The following ABCB8 variants were observed in gnomAD, a reference collection of about 807,000 sequenced individuals.
ABCB8 encodes the protein mitochondrial potassium channel ATP-binding subunit.
In ABCB8, 52 loss-of-function variants were observed where a neutral mutation model predicts 73.0. The observed-to-expected ratio is 0.71, with a 90% CI of 0.57 to 0.90. The LOEUF is 0.90. Ranked by LOEUF, ABCB8 falls within the 40% of genes least tolerant of loss-of-function variation. The pLI, the probability that ABCB8 is intolerant of heterozygous loss-of-function variation, is 0.00. For synonymous variants in ABCB8, 428 were observed against 423.5 expected (o/e 1.01, Z -0.13); for missense variants, 909 against 974.6 (o/e 0.93, Z 0.90).
At chr7:151,036,448 G>A (rs886799782) in intron 8 of ABCB8, 96 bp from the exon 9 acceptor site, 9 of 1,163,010 alleles carry the variant, frequency 7.7e-6, no homozygotes, top group Admixed American at 3.4e-5. Context: ...CCAGTCATGC[G>A]CCTCACCTGA....
At chr7:151,034,143 A>T (rs1796239127) in intron 2 of ABCB8, 130 bp from the exon 3 acceptor site, 1 of 1,228,716 alleles carries the variant, frequency 8.1e-7, no homozygotes, top group South Asian at 1.5e-5. Context: ...TGATGTGTCC[A>T]CATGACCAGC....
chr7:151,031,611 A>G (rs1335558258), intron 1 of ABCB8: 3 of 222,736 alleles, frequency 1.3e-5, no homozygotes, highest in African/African-American at 6.9e-5. Context: ...GTCTGCCTCC[A>G]GCCCATGCCC....
chr7:151,036,696 C>T (rs370572381), intron 9 of ABCB8, 47 bp downstream of exon 9: 2 of 1,498,104 alleles, frequency 1.3e-6, no homozygotes, highest in Non-Finnish European at 1.8e-6. Context: ...TGCCGCCCTC[C>T]AGAGCCCTGC....
At position 151,040,570 on chromosome 7, in the gene ABCB8, G is replaced by T. The variant is rs373880318; in HGVS notation, c.1324G>T (p.Gly442Trp). The T allele has an allele frequency of 5.6e-6, 9 of 1,613,256 alleles. No individual in the cohort carries two copies. The African/African-American group carries it at 1.2e-4, about 22-fold the overall frequency. ...CCTGAACCCCTGCATCCCACTGTCT[G>T]GGGGCTGCTGCGTCCCCAAAGAGCA... is the stretch of plus-strand genomic sequence containing the variant. ...MALNPCIPLS[G>W]GCCVPKEQLR... is the part of the protein sequence containing the mutation. The change falls in exon 11 of 16, where the codon GGG (glycine) becomes TGG (tryptophan). Residue 442 changes from glycine (G) to tryptophan (W), a missense_variant. Coordinates refer to ENST00000358849, the MANE Select transcript of ABCB8 (RefSeq NM_007188.5).
intron 13 of ABCB8, among the ~76,000 whole-genome samples, 155 bp from the exon 14 acceptor site, chr7:151,041,806 C>A (rs769949770): frequency 1.3e-5 from 2 of 152,210 alleles, no homozygotes; most frequent in Non-Finnish European, 2.9e-5. Flanking sequence ...CACTCTGCAT[C>A]CTCACTTCAC....
rs768271724 is a variant in ABCB8 at position 151,036,533 on chromosome 7, C to T, written c.1112-11C>T. The stretch of plus-strand genomic sequence containing the variant: ...CTGGCTTCGTCCTCCCTCACTTCCC[C>T]TCTCCTGCAGGCATGGTCTTGGGTA... On this transcript the variant is annotated splice_polypyrimidine_tract_variant and intron_variant, in intron 8 of 15. Transcript: ENST00000358849. 5 of 1,611,868 alleles carry T rather than the reference C, an allele frequency of 3.1e-6. No individual in the cohort carries two copies. The Admixed American group carries it at 6.7e-5, about 21-fold the overall frequency.
chr7:151,033,364 A>AG, intron 1 of ABCB8: 13 of 1,348,944 alleles, frequency 9.6e-6, no homozygotes, highest in South Asian at 1.7e-5. Context: ...AGAGTTGCCC[A>AG]GGGGAATAAG....
intron 10 of ABCB8, 75 bp downstream of exon 10, chr7:151,040,376 G>A (rs893981438): frequency 1.7e-5 from 27 of 1,597,544 alleles, no homozygotes; most frequent in African/African-American, 4.0e-5. Context: ...GCTGCCTATT[G>A]ACTGGGTGTG....
chr7:151,035,821 CATCCTGGACTCCTTGTCCTGT>C, intron 6 of ABCB8, 40 bp from the exon 7 acceptor site: 1 of 1,610,292 alleles, frequency 6.2e-7, no homozygotes, highest in Non-Finnish European at 8.5e-7. Flanking sequence ...TCCCTGTCCC[CATCCTGGACTCCTTGTCCTGT>C]TTTCTGGACT....
At chr7:151,040,424 C>T in intron 10 of ABCB8, 74 bp from the exon 11 acceptor site, 2 of 1,579,472 alleles carry the variant, frequency 1.3e-6, no homozygotes, top group South Asian at 1.1e-5. Flanking sequence ...AGCCCAGAGC[C>T]ATGGCCACTC....
chr7:151,036,190 G>T lies in ABCB8; in HGVS notation c.1111+20G>T, dbSNP rs756142033. 6.3e-7 allele frequency: 1 copy of T among 1,587,158 alleles called. No homozygotes were observed. Among genetic ancestry groups the T allele is most frequent in the African/African-American group, 1.3e-5 (1 of 74,398 alleles). ...TCAACTGTGAGTGAGCCATTTGGGG[G>T]CTGGAGGGGCGCTTGTGGGCTGGGG... On this transcript the variant is annotated intron_variant, in intron 8 of 15. Transcript: ENST00000358849.
Position 151,030,705 on chromosome 7 carries a change from C to T in ABCB8, c.95+2095C>T, listed in dbSNP as rs190262636. On this transcript the variant is annotated intron_variant, in intron 1 of 15. Coordinates refer to ENST00000358849, the MANE Select transcript of ABCB8 (RefSeq NM_007188.5). ...CTGTAATCCCAGCACTTTGAGGGGCCGGGGCAGGCAGATCACTTGAGGTCA... is the reference window on the plus strand; with the variant it reads ...CTGTAATCCCAGCACTTTGAGGGGCTGGGGCAGGCAGATCACTTGAGGTCA... 1.2e-4 allele frequency among the ~76,000 whole-genome samples: 18 copies of T among 152,122 alleles called. No homozygotes were observed. In the East Asian group the frequency reaches 2.5e-3, roughly 21 times the overall value.
At chr7:151,040,169 C>T in intron 9 of ABCB8, 99 bp from the exon 10 acceptor site, 2 of 1,427,252 alleles carry the variant, frequency 1.4e-6, no homozygotes, top group South Asian at 1.3e-5. Context: ...GGCCACAGGC[C>T]ACCTGCTTCC....
At chr7:151,033,964 G>A (rs775338400) in intron 2 of ABCB8, 47 bp downstream of exon 2, 1 of 1,520,244 alleles carries the variant, frequency 6.6e-7, no homozygotes, top group Non-Finnish European at 8.8e-7. Flanking sequence ...GCAGGACCCA[G>A]AGCTGCAAAG....
chr7:151,045,184 TC>T (rs770035290), intron 15 of ABCB8, 24 bp from the exon 16 acceptor site: 46 of 1,523,660 alleles, frequency 3.0e-5, no homozygotes, highest in Non-Finnish European at 3.7e-5. Context: ...GGAGCAACCA[TC>T]CGCCCTTCCC....
At chr7:151,034,459 G>A (rs201441001) in intron 3 of ABCB8, 31 bp downstream of exon 3, 17 of 1,613,700 alleles carry the variant, frequency 1.1e-5, no homozygotes, top group East Asian at 2.2e-5. Context: ...GGGGACCGCC[G>A]AGGAGCCACC....
Position 151,040,912 on chromosome 7 carries a change from G to T in ABCB8, c.1473G>T (p.Gln491His). 1 of 1,604,622 alleles carries T rather than the reference G, an allele frequency of 6.2e-7. No individual in the cohort carries two copies. The highest frequency in any genetic ancestry group is 1.3e-5 in the African/African-American group (1 of 74,906). The change falls in exon 12 of 16, where the codon CAG (glutamine) becomes CAT (histidine). Residue 491 changes from glutamine to histidine, a missense_variant. Physicochemically the swap from Gln to His is conservative, Grantham distance 24 (BLOSUM62 0). Coordinates refer to ENST00000358849, the MANE Select transcript of ABCB8 (RefSeq NM_007188.5). ...GCAAGATCGTGGCCCTCGTGGGCCA[G>T]TCTGGCGGAGGTAAGGGGAGCCCAC... ...PPGKIVALVG[Q>H]SGGGKTTVAS...
At chr7:151,033,097 G>C (rs749213132) in intron 1 of ABCB8, 2 of 457,320 alleles carry the variant, frequency 4.4e-6, no homozygotes, top group South Asian at 3.1e-5. Context: ...AGGGAGGTGA[G>C]GATCAAGGGA....
intron 9 of ABCB8, chr7:151,038,038 A>T (rs897892296): frequency 6.5e-6 from 1 of 152,728 alleles, no homozygotes; most frequent in Non-Finnish European, 1.4e-5. Context: ...TGTGATAGAG[A>T]TGGGGTCTTG....
Sources: gnomAD v4.1 joint callset for allele counts (sites outside exome capture counted in the v4.1 genomes callset) on GRCh38, gnomAD v4.1.1 for gene constraint, MANE v1.5 for transcripts, NCBI Gene and HGNC (gene_info 2026-07-23, HGNC 2026-07-21) for gene names.